The following NAV3 variants were observed in gnomAD, a reference collection of about 807,000 sequenced individuals.
NAV3 encodes neuron navigator 3, also known as pore membrane and/or filament interacting like protein 1.
NAV3 carries 87 observed loss-of-function variants against 244.7 expected under a neutral mutation model. The ratio of observed to expected loss-of-function variants is 0.36; its 90% CI spans 0.30 to 0.42. The LOEUF is 0.42. Ranked by LOEUF, NAV3 falls within the 20% of genes least tolerant of loss-of-function variation. NAV3 has a pLI of 1.00. For missense variants in NAV3, 2,663 were observed against 2,893.3 expected (o/e 0.92, Z 1.83); for synonymous variants, 1,126 against 1,042.2 (o/e 1.08, Z -1.55).
intron 7 of NAV3, among the ~76,000 whole-genome samples, chr12:78,000,044 CTTAA>C (rs1872979829): frequency 6.6e-6 from 1 of 152,130 alleles, no homozygotes; most frequent in African/African-American, 2.4e-5. Context: ...ACTTTTATAT[CTTAA>C]TTTATCTGAA....
intron 12 of NAV3, among the ~76,000 whole-genome samples, chr12:78,087,583 T>C (rs1251648375): frequency 6.6e-6 from 1 of 152,016 alleles, no homozygotes; most frequent in Admixed American, 6.6e-5. Flanking sequence ...ACAGCAATGT[T>C]AGTGTGTTAT....
chr12:78,124,513 G>A (rs946577197), intron 16 of NAV3, among the ~76,000 whole-genome samples: 1 of 152,108 alleles, frequency 6.6e-6, no homozygotes, highest in African/African-American at 2.4e-5. Flanking sequence ...GAGGGCAGTG[G>A]TGCCATCTCA....
intron 34 of NAV3, among the ~76,000 whole-genome samples, chr12:78,194,657 C>G (rs538462532): frequency 1.3e-5 from 2 of 152,124 alleles, no homozygotes; most frequent in East Asian, 3.9e-4. Flanking sequence ...TCTTCACTGC[C>G]AAAAGGAGAT....
Position 78,021,768 on chromosome 12 carries a change from T to A in NAV3, c.1929T>A (p.Gly643=), listed in dbSNP as rs576625924. 4 of 1,608,422 alleles carry A rather than the reference T, an allele frequency of 2.5e-6. No homozygotes were observed. The highest frequency in any genetic ancestry group is 3.4e-6 in the Non-Finnish European group (4 of 1,176,798). ...FIYRAHSENE[G]TALPSADSCT... ...TCAGGGCACATTCAGAAAATGAAGG[T>A]ACCGCTTTACCATCGGCTGACTCCT... Residue 643 remains glycine (G), a synonymous_variant, in exon 9 of 40, where the codon GGT becomes GGA. Transcript: ENST00000397909.
intron 2 of NAV3, among the ~76,000 whole-genome samples, chr12:77,796,614 G>C (rs550433651): frequency 6.6e-6 from 1 of 152,286 alleles, no homozygotes; most frequent in African/African-American, 2.4e-5. Flanking sequence ...AGCATTGCAT[G>C]CTACAGAGAA....
At chr12:78,069,238 GT>G (rs529076032) in intron 12 of NAV3, among the ~76,000 whole-genome samples, 2 of 151,610 alleles carry the variant, frequency 1.3e-5, no homozygotes, top group Admixed American at 6.6e-5. Flanking sequence ...GCTCCCATAT[GT>G]TTTTTTAGGA....
At chr12:78,015,103 CT>C (rs1875958248) in intron 8 of NAV3, among the ~76,000 whole-genome samples, 1 of 152,038 alleles carries the variant, frequency 6.6e-6, no homozygotes, top group Admixed American at 6.6e-5. Context: ...CTTTTCTGTG[CT>C]TGATTACGAG....
intron 2 of NAV3, among the ~76,000 whole-genome samples, chr12:77,808,991 A>G (rs185979234): frequency 6.6e-6 from 1 of 152,036 alleles, no homozygotes; most frequent in South Asian, 2.1e-4. Flanking sequence ...AAAACCACCT[A>G]CTCAAGCCTC....
At chr12:77,656,705 G>C (rs1873123460) in intron 2 of NAV3, among the ~76,000 whole-genome samples, 1 of 147,508 alleles carries the variant, frequency 6.8e-6, no homozygotes, top group Non-Finnish European at 1.5e-5. Context: ...CACATAGTTG[G>C]AAGTAAAGCT....
chr12:77,729,339 G>A (rs1465305665), intron 2 of NAV3, among the ~76,000 whole-genome samples: 2 of 151,914 alleles, frequency 1.3e-5, no homozygotes, highest in Non-Finnish European at 2.9e-5. Context: ...AGTTTTAATG[G>A]CAAGGAAGGC....
At chr12:78,042,417 T>G (rs1465626045) in intron 9 of NAV3, among the ~76,000 whole-genome samples, 2 of 152,226 alleles carry the variant, frequency 1.3e-5, no homozygotes, top group Non-Finnish European at 2.9e-5. Context: ...ACTGGAGAAG[T>G]AATTAAAAAT....
chr12:77,878,691 T>A (rs541794515), intron 1 of NAV3, among the ~76,000 whole-genome samples: 1 of 152,134 alleles, frequency 6.6e-6, no homozygotes, highest in African/African-American at 2.4e-5. Context: ...AACAAGGTCT[T>A]TTTTTAAAGA....
At chr12:78,107,694 G>A (rs1954875060) in intron 12 of NAV3, among the ~76,000 whole-genome samples, 1 of 152,026 alleles carries the variant, frequency 6.6e-6, no homozygotes, top group East Asian at 1.9e-4. Context: ...TCCCAGACAC[G>A]AAAATGCTGA....
chr12:78,016,003 C>T (rs1372635981), intron 8 of NAV3, among the ~76,000 whole-genome samples: 1 of 152,074 alleles, frequency 6.6e-6, no homozygotes, highest in Non-Finnish European at 1.5e-5. Context: ...CAAGATTTGG[C>T]CACTGGGAGC....
intron 12 of NAV3, among the ~76,000 whole-genome samples, chr12:78,099,854 T>G (rs1369192608): frequency 6.6e-6 from 1 of 151,948 alleles, no homozygotes; most frequent in Non-Finnish European, 1.5e-5. Flanking sequence ...CATAAACTTG[T>G]GCCTGACTGC....
At chr12:77,813,389 C>A (rs1409358643) in intron 2 of NAV3, among the ~76,000 whole-genome samples, 2 of 152,106 alleles carry the variant, frequency 1.3e-5, no homozygotes, top group Non-Finnish European at 2.9e-5. Context: ...AACCAAGTTT[C>A]AAGAGTCAAA....
At chr12:78,171,779 TA>T in intron 24 of NAV3, among the ~76,000 whole-genome samples, 1 of 151,618 alleles carries the variant, frequency 6.6e-6, no homozygotes, top group African/African-American at 2.4e-5. Context: ...TAGAGGCCCT[TA>T]AAATATTTCT....
At chr12:77,766,236 A>C (rs1869745905) in intron 2 of NAV3, among the ~76,000 whole-genome samples, 2 of 152,230 alleles carry the variant, frequency 1.3e-5, no homozygotes, top group South Asian at 4.1e-4. Flanking sequence ...GGAAACAGGA[A>C]ATAGAAGAAA....
rs570443870 is a variant in NAV3 at position 77,983,810 on chromosome 12, T to C, written c.672-10993T>C. On this transcript the variant is annotated intron_variant, in intron 5 of 39. Transcript: ENST00000397909. ...GGTAACTTTTTGCTAAGTTCTTAAG[T>C]GTAAATTGTTTTTCTATTGAGAAGT... 2.0e-4 allele frequency among the ~76,000 whole-genome samples: 31 copies of C among 152,330 alleles called. No individual in the cohort carries two copies. The South Asian group carries it at 6.0e-3, about 30-fold the overall frequency.
Sources: gnomAD v4.1 joint callset for allele counts (sites outside exome capture counted in the v4.1 genomes callset) on GRCh38, gnomAD v4.1.1 for gene constraint, MANE v1.5 for transcripts, NCBI Gene and HGNC (gene_info 2026-07-23, HGNC 2026-07-21) for gene names.